Variants in RAB11FIP4 observed in about 807,000 individuals in gnomAD.
RAB11FIP4 encodes rab11 family-interacting protein 4.
Under a neutral mutation model 74.3 loss-of-function variants are expected in RAB11FIP4, and 23 were observed. The ratio of observed to expected loss-of-function variants is 0.31; its 90% CI spans 0.22 to 0.44. The LOEUF is 0.44. Among genes scored for constraint, RAB11FIP4 ranks in the 20% least tolerant of loss-of-function variants. The pLI is 1.00. For missense variants in RAB11FIP4, 630 were observed against 863.9 expected (o/e 0.73, Z 3.39); for synonymous variants, 360 against 359.9 (o/e 1.00, Z 0.00).
chr17:31,523,608 G>A lies in RAB11FIP4; in HGVS notation c.1026G>A (p.Glu342=). 1.2e-6 allele frequency: 2 copies of A among 1,613,796 alleles called. No individual in the cohort carries two copies. The highest frequency in any genetic ancestry group is 1.7e-6 in the Non-Finnish European group (2 of 1,179,688). ...ACTCTTGCGACAATGACATCACAGA[G>A]AAGGTGGGCCTTGGGTGGCTGGAGA... ...SIDSCDNDIT[E]KVSFLEKKVT... The change falls in exon 8 of 15, where the codon GAG becomes GAA. Residue 342 remains glutamate, a synonymous_variant. Coordinates refer to ENST00000621161, the MANE Select transcript of RAB11FIP4 (RefSeq NM_032932.6).
At chr17:31,393,027 G>A (rs1224474129) in intron 1 of RAB11FIP4, among the ~76,000 whole-genome samples, 1 of 152,214 alleles carries the variant, frequency 6.6e-6, no homozygotes, top group Non-Finnish European at 1.5e-5. Flanking sequence ...GAGAAGCTGG[G>A]TGATGGCCAG....
intron 3 of RAB11FIP4, among the ~76,000 whole-genome samples, chr17:31,446,807 C>T (rs564159861): frequency 3.5e-4 from 54 of 152,244 alleles, no homozygotes; most frequent in African/African-American, 1.3e-3. Flanking sequence ...CAGCAGATTG[C>T]CTGGAAGAAT....
chr17:31,513,174 G>A (rs905365899), intron 3 of RAB11FIP4, among the ~76,000 whole-genome samples: 1 of 152,136 alleles, frequency 6.6e-6, no homozygotes, highest in South Asian at 2.1e-4. Flanking sequence ...GGGGCTCCGC[G>A]TGATTCTTAC....
chr17:31,470,914 T>C (rs1417077647), intron 3 of RAB11FIP4, among the ~76,000 whole-genome samples: 5 of 152,180 alleles, frequency 3.3e-5, no homozygotes, highest in African/African-American at 1.2e-4. Context: ...ATGGGCCACA[T>C]AGTAGATGCA....
At chr17:31,491,492 C>G (rs1487916815) in intron 3 of RAB11FIP4, among the ~76,000 whole-genome samples, 1 of 152,100 alleles carries the variant, frequency 6.6e-6, no homozygotes, top group Non-Finnish European at 1.5e-5. Context: ...GTTTCAGAGT[C>G]AGACAGGGAA....
intron 3 of RAB11FIP4, among the ~76,000 whole-genome samples, chr17:31,454,029 C>T (rs559545887): frequency 6.6e-6 from 1 of 150,620 alleles, no homozygotes; most frequent in South Asian, 2.1e-4. Flanking sequence ...ACCTGCTGCT[C>T]TAGCACTAGC....
chr17:31,440,987 A>G (rs1237725610), intron 3 of RAB11FIP4, among the ~76,000 whole-genome samples: 1 of 151,974 alleles, frequency 6.6e-6, no homozygotes, highest in Non-Finnish European at 1.5e-5. Flanking sequence ...CTGGCCTTTT[A>G]TGCCCTCTAG....
At chr17:31,472,784 G>A (rs1010841085) in intron 3 of RAB11FIP4, among the ~76,000 whole-genome samples, 3 of 152,078 alleles carry the variant, frequency 2.0e-5, no homozygotes, top group Non-Finnish European at 4.4e-5. Flanking sequence ...CGTAATCCCA[G>A]TACTTTGGGA....
chr17:31,414,680 T>C (rs2071130614), intron 1 of RAB11FIP4, among the ~76,000 whole-genome samples: 1 of 152,148 alleles, frequency 6.6e-6, no homozygotes, highest in Non-Finnish European at 1.5e-5. Flanking sequence ...CACTGGGCCA[T>C]GGTGCTGGCC....
At chr17:31,419,268 C>T (rs2071176449) in intron 1 of RAB11FIP4, among the ~76,000 whole-genome samples, 1 of 146,652 alleles carries the variant, frequency 6.8e-6, no homozygotes. Flanking sequence ...TATATTTCTA[C>T]TTTGTTGAGA....
At chr17:31,458,871 G>A (rs745528413) in intron 3 of RAB11FIP4, among the ~76,000 whole-genome samples, 1 of 152,190 alleles carries the variant, frequency 6.6e-6, no homozygotes, top group Non-Finnish European at 1.5e-5. Flanking sequence ...TAGCAGTGTG[G>A]GGTTTAGCTG....
chr17:31,459,574 T>C (rs1006128607), intron 3 of RAB11FIP4, among the ~76,000 whole-genome samples: 2 of 152,294 alleles, frequency 1.3e-5, no homozygotes, highest in Middle Eastern at 3.4e-3. Flanking sequence ...AAAACCTTTC[T>C]GCAGCTTCCA....
chr17:31,537,576 C>T lies in RAB11FIP4; in HGVS notation c.*5844C>T. On this transcript the variant is annotated 3_prime_UTR_variant, in exon 15 of 15. Coordinates refer to ENST00000621161, the MANE Select transcript of RAB11FIP4 (RefSeq NM_032932.6). ...CAGCAGGGATATCATGGGACCGCAG[C>T]CGCTCCGTGCACTGTCTCTGCCCCC... 1 of 177,398 alleles carries T rather than the reference C, an allele frequency of 5.6e-6. No homozygotes were observed. Among genetic ancestry groups the T allele is most frequent in the East Asian group, 1.4e-4 (1 of 7,270 alleles). 11.0% of individuals were successfully genotyped at this position (177,398 alleles called of 1,614,324 possible).
At chr17:31,509,247 C>T (rs1001884062) in intron 3 of RAB11FIP4, 1 of 147,770 alleles carries the variant, frequency 6.8e-6, no homozygotes, top group Admixed American at 6.8e-5. Flanking sequence ...TTTATTACCT[C>T]CCTCTGGGGG....
intron 3 of RAB11FIP4, among the ~76,000 whole-genome samples, chr17:31,462,451 C>T (rs1458479150): frequency 6.6e-6 from 1 of 151,922 alleles, no homozygotes; most frequent in Non-Finnish European, 1.5e-5. Context: ...TGGAAATTTG[C>T]AGGGAAGCAT....
chr17:31,399,728 A>G (rs2070966529), intron 1 of RAB11FIP4, among the ~76,000 whole-genome samples: 1 of 151,074 alleles, frequency 6.6e-6, no homozygotes, highest in Non-Finnish European at 1.5e-5. Context: ...ATAAAAATAA[A>G]TACATAAATA....
chr17:31,463,803 CTTTTTTTTT>C (rs60955293), intron 3 of RAB11FIP4, among the ~76,000 whole-genome samples: 58 of 32,844 alleles, frequency 1.8e-3, no homozygotes, highest in South Asian at 9.3e-3. Flanking sequence ...TGCGCCTGGA[CTTTTTTTTT>C]TTTTTTTTTT....
At chr17:31,448,392 A>ATTTTTTTTTTGTTTTT (rs2071490029) in intron 3 of RAB11FIP4, 1 of 79,832 alleles carries the variant, frequency 1.3e-5, no homozygotes, top group African/African-American at 5.9e-5. Flanking sequence ...CATCCAGCTA[A>ATTTTTTTTTTGTTTTT]TTTTTTTTTT....
intron 3 of RAB11FIP4, among the ~76,000 whole-genome samples, chr17:31,468,046 C>A (rs188242477): frequency 6.6e-6 from 1 of 152,142 alleles, no homozygotes; most frequent in Non-Finnish European, 1.5e-5. Context: ...GGGTGAGCTG[C>A]GCTGGTCCAT....
Sources: allele counts gnomAD v4.1 joint callset (sites outside exome capture counted in the v4.1 genomes callset), GRCh38; gene constraint gnomAD v4.1.1; transcripts MANE v1.5; gene names NCBI Gene and HGNC (gene_info 2026-07-23, HGNC 2026-07-21).